The following KIF2A variants were observed in gnomAD, a reference collection of about 807,000 sequenced individuals.
KIF2A encodes kinesin family member 2A, also known as kinesin-like protein KIF2A.
Under a neutral mutation model 100.2 loss-of-function variants are expected in KIF2A, and 22 were observed. The observed-to-expected ratio is 0.22, with a 90% CI of 0.16 to 0.31. The LOEUF (loss-of-function observed/expected upper bound fraction) is 0.31. Among genes scored for constraint, KIF2A ranks in the 10% least tolerant of loss-of-function variants. The pLI is 1.00. For synonymous variants in KIF2A, 268 were observed against 285.9 expected (o/e 0.94, Z 0.63); for missense variants, 495 against 898.7 (o/e 0.55, Z 5.74).
rs1468805932 is a variant in KIF2A, at chr5:62,321,630, T to C, written c.64+15094T>C. Among the ~76,000 whole-genome samples, 52 of 152,208 alleles carry C rather than the reference T, an allele frequency of 3.4e-4. 2 individuals are homozygous for C. The highest frequency in any genetic ancestry group is 3.4e-3 in the Admixed American group (52 of 15,274). ...CAGACTGGAGTGCAATGGTGTGATG[T>C]CAGTTCACTGCAACCTCTGCCTCCT... is the stretch of plus-strand genomic sequence containing the variant. On this transcript the variant is annotated intron_variant, in intron 1 of 20. Transcript: ENST00000407818.
At chr5:62,317,881 G>T (rs949154811) in intron 1 of KIF2A, among the ~76,000 whole-genome samples, 3 of 152,066 alleles carry the variant, frequency 2.0e-5, no homozygotes, top group African/African-American at 7.2e-5. Context: ...AGACATTCTA[G>T]TTTTCTCCAG....
chr5:62,365,204 GAAAGACT>G, intron 14 of KIF2A, 32 bp from the exon 15 acceptor site: 1 of 1,023,016 alleles, frequency 9.8e-7, no homozygotes, highest in Non-Finnish European at 1.5e-6. Flanking sequence ...TCCTTTATAA[GAAAGACT>G]AATCTGTGAG....
intron 9 of KIF2A, among the ~76,000 whole-genome samples, chr5:62,359,164 T>C (rs904684755): frequency 6.6e-6 from 1 of 152,228 alleles, no homozygotes; most frequent in Non-Finnish European, 1.5e-5. Context: ...ATCTGTGTTA[T>C]ACATTGGTAT....
At chr5:62,363,989 C>G (rs890985718) in intron 14 of KIF2A, 90 bp downstream of exon 14, 5 of 1,008,674 alleles carry the variant, frequency 5.0e-6, no homozygotes, top group Non-Finnish European at 7.3e-6. Context: ...CTTGTTTTAC[C>G]TAATAAAAAG....
chr5:62,317,352 A>G (rs967212544), intron 1 of KIF2A, among the ~76,000 whole-genome samples: 16 of 152,202 alleles, frequency 1.1e-4, no homozygotes, highest in African/African-American at 3.6e-4. Flanking sequence ...CCAGCCACCT[A>G]TAAGATTTTT....
At chr5:62,319,187 C>CAACA (rs1745981324) in intron 1 of KIF2A, among the ~76,000 whole-genome samples, 1 of 151,096 alleles carries the variant, frequency 6.6e-6, no homozygotes, top group Admixed American at 6.6e-5. Context: ...ACAACAACAA[C>CAACA]AAAAAACCCA....
chr5:62,379,532 C>T (rs1664782441), intron 19 of KIF2A, among the ~76,000 whole-genome samples: 1 of 152,036 alleles, frequency 6.6e-6, no homozygotes, highest in South Asian at 2.1e-4. Context: ...CATGGTGGCG[C>T]ATGCCTGTAA....
chr5:62,382,092 A>G lies in KIF2A; in HGVS notation c.2149+839A>G, dbSNP rs139843666. Among the ~76,000 whole-genome samples the G allele has an allele frequency of 2.2e-3, 341 of 152,358 alleles. 2 individuals are homozygous for G. The highest frequency in any genetic ancestry group is 0.017 in the East Asian group (87 of 5,190). On this transcript the variant is annotated intron_variant, in intron 20 of 20. Transcript: ENST00000407818. ...CCATCTGGATGTGTGTGTACACGCA[A>G]TCCAACATAAACCAGAATGAAATTC... is the stretch of plus-strand genomic sequence containing the variant.
At position 62,362,452 on chromosome 5, in the gene KIF2A, C is replaced by G. The variant is rs1748454759; in HGVS notation, c.1030C>G (p.Arg344Gly). The G allele has an allele frequency of 1.4e-6, 2 of 1,414,446 alleles. No homozygotes were observed. The highest frequency in any genetic ancestry group is 1.5e-5 in the African/African-American group (1 of 66,924). The allele number at this position is 1,414,446 out of a possible 1,614,324, so 87.6% of individuals were successfully genotyped here. The change falls in exon 12 of 21, where the codon CGA becomes GGA. Residue 344 changes from arginine (R) to glycine (G), a missense_variant and splice_region_variant. This residue lies in a region of KIF2A where 109 missense variants were observed against 244.2 expected (regional missense o/e 0.45). Coordinates refer to ENST00000407818, the MANE Select transcript of KIF2A (RefSeq NM_001098511.3). Reference protein sequence around the residue: ...CSKGIYALAARDVFLMLKKPN... With the variant: ...CSKGIYALAAGDVFLMLKKPN... Reference sequence around the variant, plus strand: ...TCTGTATATGAAATTTTTGACAGCTCGAGATGTCTTTTTAATGCTAAAGAA... The same window carrying G: ...TCTGTATATGAAATTTTTGACAGCTGGAGATGTCTTTTTAATGCTAAAGAA...
chr5:62,324,372 T>C (rs1449464420), intron 1 of KIF2A, among the ~76,000 whole-genome samples: 3 of 152,194 alleles, frequency 2.0e-5, no homozygotes, highest in Non-Finnish European at 4.4e-5. Context: ...CTAAAATTCA[T>C]ATGAACCAAA....
At chr5:62,351,533 A>C (rs1277259562) in intron 4 of KIF2A, among the ~76,000 whole-genome samples, 2 of 152,138 alleles carry the variant, frequency 1.3e-5, no homozygotes, top group Admixed American at 6.6e-5. Context: ...CTTTTCTGGC[A>C]GTATTATTTC....
intron 16 of KIF2A, among the ~76,000 whole-genome samples, chr5:62,368,224 A>G (rs1741168830): frequency 6.6e-6 from 1 of 150,976 alleles, no homozygotes; most frequent in African/African-American, 2.4e-5. Context: ...CTCTACCCTG[A>G]TGTAACCCAT....
chr5:62,315,023 AAAGTGTTGGGATTAT>A (rs1745742909), intron 1 of KIF2A, among the ~76,000 whole-genome samples: 1 of 151,812 alleles, frequency 6.6e-6, no homozygotes, highest in Admixed American at 6.6e-5. Flanking sequence ...TCAGCCTCCC[AAAGTGTTGGGATTAT>A]AGGTGTGAGC....
intron 1 of KIF2A, among the ~76,000 whole-genome samples, chr5:62,329,743 T>C (rs1240979251): frequency 6.6e-6 from 1 of 152,230 alleles, no homozygotes; most frequent in African/African-American, 2.4e-5. Context: ...CAATCTTTGT[T>C]TTCCCAACTT....
chr5:62,322,499 A>C (rs1164697786), intron 1 of KIF2A, among the ~76,000 whole-genome samples: 1 of 152,180 alleles, frequency 6.6e-6, no homozygotes, highest in African/African-American at 2.4e-5. Context: ...AGGCCTTTCC[A>C]TGGACTATAT....
rs1265023793 is a variant in KIF2A, at chr5:62,339,995, A to G, written c.65-7135A>G. ...CTCTTATTGTCCAGGCTGGAGTGCA[A>G]TGGCGCGATCTTGGCTCACTGCAAC... On this transcript the variant is annotated intron_variant, in intron 1 of 20. Transcript: ENST00000407818. Among the ~76,000 whole-genome samples the G allele has an allele frequency of 3.3e-5, 5 of 149,872 alleles. No homozygotes were observed. The East Asian group carries it at 9.8e-4, about 29-fold the overall frequency.
chr5:62,306,466 T>A lies in KIF2A; in HGVS notation c.-7T>A. 6.5e-7 allele frequency: 1 copy of A among 1,530,830 alleles called. No homozygotes were observed. Among genetic ancestry groups the A allele is most frequent in the Non-Finnish European group, 8.8e-7 (1 of 1,136,264 alleles). The allele number at this position is 1,530,830 out of a possible 1,614,324, so 94.8% of individuals were successfully genotyped here. A position where few individuals can be genotyped will look rare whatever the true frequency, so the allele number is the denominator to read the frequency against. ...CTCGGCCCGCTGCTGCTGCTCCAGA[T>A]GAGGTGATGGCAACGGCCAACTTCG... is the stretch of plus-strand genomic sequence containing the variant. On this transcript the variant is annotated 5_prime_UTR_variant, in exon 1 of 21. It removes an upstream start codon present in the reference 5' UTR. Coordinates refer to ENST00000407818, the MANE Select transcript of KIF2A (RefSeq NM_001098511.3).
At chr5:62,362,596 T>G (rs1051894772) in intron 12 of KIF2A, 55 bp downstream of exon 12, 1 of 766,964 alleles carries the variant, frequency 1.3e-6, no homozygotes, top group Non-Finnish European at 1.9e-6. Flanking sequence ...TAACATAACA[T>G]TTGCCATTTT....
intron 1 of KIF2A, among the ~76,000 whole-genome samples, chr5:62,311,026 T>C (rs796294558): frequency 3.9e-5 from 6 of 152,214 alleles, no homozygotes; most frequent in African/African-American, 1.4e-4. Flanking sequence ...TGTGACTGTA[T>C]TGATACATGT....
Sources: allele counts gnomAD v4.1 joint callset (sites outside exome capture counted in the v4.1 genomes callset), GRCh38; gene constraint gnomAD v4.1.1; regional missense constraint gnomAD v4.1.1; transcripts MANE v1.5; gene names NCBI Gene and HGNC (gene_info 2026-07-23, HGNC 2026-07-21).